Variants in GBP3 observed in about 807,000 individuals in gnomAD.
GBP3 encodes the protein guanylate-binding protein 3.
Under a neutral mutation model 62.4 loss-of-function variants are expected in GBP3, and 55 were observed. That is an observed-to-expected ratio of 0.88 (90% CI 0.71 to 1.10). The LOEUF is 1.10. Ranked by LOEUF, GBP3 falls within the 50% of genes least tolerant of loss-of-function variation. GBP3 has a pLI of 0.00. For synonymous variants in GBP3, 208 were observed against 259.2 expected (o/e 0.80, Z 1.90); for missense variants, 605 against 690.6 (o/e 0.88, Z 1.39).
intron 1 of GBP3, among the ~76,000 whole-genome samples, chr1:89,021,462 A>C (rs542674262): frequency 6.6e-6 from 1 of 151,730 alleles, no homozygotes; most frequent in South Asian, 2.1e-4. Flanking sequence ...GTATAAATGC[A>C]AAACTGCCAA....
chr1:89,011,602 CTGAT>C, intron 7 of GBP3, 141 bp downstream of exon 7: 1 of 1,045,390 alleles, frequency 9.6e-7, no homozygotes, highest in South Asian at 1.7e-5. Context: ...TTGTTTTTGT[CTGAT>C]TATTATGATT....
intron 6 of GBP3, 57 bp from the exon 7 acceptor site, chr1:89,012,084 G>A: frequency 7.3e-7 from 1 of 1,362,170 alleles, no homozygotes; most frequent in South Asian, 1.3e-5. Flanking sequence ...TCTCTATTCT[G>A]TGTAATTCTG....
intron 1 of GBP3, among the ~76,000 whole-genome samples, chr1:89,021,510 G>GCACGCACACACACACACA (rs1553178199): frequency 8.7e-4 from 115 of 131,730 alleles, no homozygotes; most frequent in African/African-American, 3.3e-3. Context: ...GCGCGCGCGC[G>GCACGCACACACACACACA]CACACACACA....
In GBP3 at chr1:89,012,179, C is replaced by T. The variant is rs146635304; in HGVS notation, c.869-152G>A. 4.3e-5 allele frequency: 36 copies of T among 843,100 alleles called. 6 individuals are homozygous for T. In the African/African-American group the frequency reaches 5.0e-4, roughly 12 times the overall value. 52.2% of individuals were successfully genotyped at this position (843,100 alleles called of 1,614,324 possible). A position where few individuals can be genotyped will look rare whatever the true frequency, so the allele number is the denominator to read the frequency against. On this transcript the variant is annotated intron_variant, in intron 6 of 10. Coordinates refer to ENST00000370481, the MANE Select transcript of GBP3 (RefSeq NM_018284.3). ...GCTTGCTGGAAATGCCTATTGTTAGCCTCTGTCCCAGATCTACTGAATTAG... is the reference window on the plus strand; with the variant it reads ...GCTTGCTGGAAATGCCTATTGTTAGTCTCTGTCCCAGATCTACTGAATTAG...
intron 2 of GBP3, among the ~76,000 whole-genome samples, chr1:89,019,174 A>G (rs1267100821): frequency 6.6e-6 from 1 of 152,248 alleles, no homozygotes; most frequent in East Asian, 1.9e-4. Flanking sequence ...CCATGATCCT[A>G]TCAGCATTAT....
At chr1:89,016,939 T>C (rs1678919102) in intron 2 of GBP3, among the ~76,000 whole-genome samples, 1 of 152,168 alleles carries the variant, frequency 6.6e-6, no homozygotes, top group Non-Finnish European at 1.5e-5. Context: ...AAAAGTGACA[T>C]ACAGATTCAA....
chr1:89,007,637 TTATTATCAAA>T lies in GBP3; in HGVS notation c.*77_*86del. 8.0e-7 allele frequency: 1 copy of T among 1,247,802 alleles called. No individual in the cohort carries two copies. Among genetic ancestry groups the T allele is most frequent in the Non-Finnish European group, 1.1e-6 (1 of 882,218 alleles). The allele number at this position is 1,247,802 out of a possible 1,614,324, so 77.3% of individuals were successfully genotyped here. A position where few individuals can be genotyped will look rare whatever the true frequency, so the allele number is the denominator to read the frequency against. On this transcript the variant is annotated 3_prime_UTR_variant, in exon 11 of 11. Coordinates refer to ENST00000370481, the MANE Select transcript of GBP3 (RefSeq NM_018284.3). ...TTTAGTGTTATGATGCAAGATCTAA[TTATTATCAAA>T]TATAGTGACACTTGTTCCAAATTCT...
chr1:89,008,952 G>A lies in GBP3; in HGVS notation c.1654C>T (p.Leu552Phe). 6.2e-7 allele frequency: 1 copy of A among 1,614,046 alleles called. No individual in the cohort carries two copies. The highest frequency in any genetic ancestry group is 8.5e-7 in the Non-Finnish European group (1 of 1,179,926). The change falls in exon 10 of 11, where the codon CTT (leucine) becomes TTT (phenylalanine). Residue 552 changes from leucine to phenylalanine, a missense_variant. This residue lies in a region of GBP3 where 160 missense variants were observed against 147.8 expected (regional missense o/e 1.08). Coordinates refer to ENST00000370481, the MANE Select transcript of GBP3 (RefSeq NM_018284.3). Reference protein sequence around the residue: ...EEQEKTLTSKLQEQARVLKER... With the variant: ...EEQEKTLTSKFQEQARVLKER... ...AAGGTGATGCATTTGGATACCTGAA[G>A]TTTACTAGTGAGGGTCTTCTCTTGC...
chr1:89,015,195 A>T, intron 3 of GBP3, 92 bp downstream of exon 3: 1 of 1,293,946 alleles, frequency 7.7e-7, no homozygotes, highest in Non-Finnish European at 1.1e-6. Flanking sequence ...AATTATAGTT[A>T]AATGCAAACT....
At chr1:89,020,425 G>C (rs1679119496) in intron 2 of GBP3, 107 bp downstream of exon 2, 2 of 1,322,860 alleles carry the variant, frequency 1.5e-6, no homozygotes, top group South Asian at 2.4e-5. Flanking sequence ...TGAATGGAAA[G>C]TTAGCTTATT....
chr1:89,008,173 G>T (rs145817096), intron 10 of GBP3, among the ~76,000 whole-genome samples: 35 of 151,720 alleles, frequency 2.3e-4, no homozygotes, highest in Non-Finnish European at 4.3e-4. Flanking sequence ...ATGCATTATA[G>T]ACTTTTTAAC....
chr1:89,020,240 G>GA (rs368436919), intron 2 of GBP3: 1,857 of 417,328 alleles, frequency 4.4e-3, no homozygotes, highest in Non-Finnish European at 5.4e-3. Flanking sequence ...CTTGTCTCAA[G>GA]AAAAAAAAAG....
intron 10 of GBP3, among the ~76,000 whole-genome samples, chr1:89,008,521 T>C (rs1457689590): frequency 1.4e-5 from 2 of 147,744 alleles, no homozygotes; most frequent in African/African-American, 2.5e-5. Flanking sequence ...AGAAAAAATA[T>C]TACTATGGAT....
rs766984556 is a variant in GBP3, at chr1:89,015,271, A to G, written c.318+16T>C. On this transcript the variant is annotated intron_variant, in intron 3 of 10. Transcript: ENST00000370481. ...AGATGAGGGGCTTATTTCAAAATTG[A>G]ATCTTTGACCCTTACCTTCTTTACA... The G allele has an allele frequency of 6.4e-7, 1 of 1,574,534 alleles. No individual in the cohort carries two copies. Among genetic ancestry groups the G allele is most frequent in the Non-Finnish European group, 8.6e-7 (1 of 1,164,554 alleles).
rs751233795 is a variant in GBP3, at chr1:89,009,516, A to T, written c.1363-22T>A. ...CAGCCTTAGGACCCAGAGAACACAG[A>T]GTGAGAAGTAGGAAATGGCTGTAAG... is the stretch of plus-strand genomic sequence containing the variant. On this transcript the variant is annotated intron_variant, in intron 8 of 10. Coordinates refer to ENST00000370481, the MANE Select transcript of GBP3 (RefSeq NM_018284.3). The T allele has an allele frequency of 2.5e-6, 4 of 1,610,800 alleles. No homozygotes were observed. The African/African-American group carries it at 5.4e-5, about 22-fold the overall frequency.
In GBP3 at chr1:89,013,343, T is replaced by G. The variant is rs373542431; in HGVS notation, c.710A>C (p.Asp237Ala). The change falls in exon 6 of 11, where the codon GAT becomes GCT. Residue 237 changes from aspartate to alanine, a missense_variant. This residue lies in a region of GBP3 where 308 missense variants were observed against 318.0 expected (regional missense o/e 0.97). Transcript: ENST00000370481. The part of the protein sequence containing the change: ...FFPKKKCFVF[D>A]LPIHRRKLAQ... Reference sequence around the variant, plus strand: ...AAGCTTCCTGCGGTGAATGGGCAGATCGAAGACAAAACATTTTTTCTTTGG... The same window carrying G: ...AAGCTTCCTGCGGTGAATGGGCAGAGCGAAGACAAAACATTTTTTCTTTGG... 2.5e-6 allele frequency: 4 copies of G among 1,614,084 alleles called. No individual in the cohort carries two copies. The South Asian group carries it at 3.3e-5, about 13-fold the overall frequency.
At chr1:89,021,817 G>A (rs1679242162) in intron 1 of GBP3, among the ~76,000 whole-genome samples, 7 of 135,152 alleles carry the variant, frequency 5.2e-5, no homozygotes, top group Admixed American at 4.6e-4. Context: ...GAGAGAGAGA[G>A]AGAGAGAGAG....
rs539929372 is a variant in GBP3, at chr1:89,012,898, C to T, written c.868+287G>A. 4.3e-5 allele frequency among the ~76,000 whole-genome samples: 6 copies of T among 140,352 alleles called. No homozygotes were observed. In the East Asian group the frequency reaches 8.2e-4, roughly 19 times the overall value. The allele number at this position is 140,352 out of a possible 152,430, so 92.1% of individuals were successfully genotyped here. ...TGTCACCCAGGCTGGAGTGCAGTGG[C>T]GTGATCTCGTCTCACTGCAACCTCT... On this transcript the variant is annotated intron_variant, in intron 6 of 10. Transcript: ENST00000370481.
At chr1:89,013,459 T>C in intron 5 of GBP3, 32 bp from the exon 6 acceptor site, 1 of 1,582,544 alleles carries the variant, frequency 6.3e-7, no homozygotes, top group Non-Finnish European at 8.6e-7. Context: ...ATTTGCCTAA[T>C]ATAAGTGTTT....
Sources: gnomAD v4.1 joint callset for allele counts (sites outside exome capture counted in the v4.1 genomes callset) on GRCh38, gnomAD v4.1.1 for gene constraint, gnomAD v4.1.1 regional missense constraint, MANE v1.5 for transcripts, NCBI Gene and HGNC (gene_info 2026-07-23, HGNC 2026-07-21) for gene names.